Variants in ADCY2 observed in about 807,000 individuals in gnomAD.
ADCY2 encodes adenylate cyclase 2.
Under a neutral mutation model 125.2 loss-of-function variants are expected in ADCY2, and 31 were observed. The ratio of observed to expected loss-of-function variants is 0.25; its 90% confidence interval spans 0.19 to 0.33. The LOEUF is 0.33. Ranked by LOEUF, ADCY2 falls within the 10% of genes least tolerant of loss-of-function variation. ADCY2 has a pLI of 1.00. For synonymous variants in ADCY2, 512 were observed against 548.4 expected, an observed-to-expected ratio of 0.93 and a Z score of 0.93; for missense variants, 904 against 1,418.2, an observed-to-expected ratio of 0.64 and a Z score of 5.82.
chr5:7,521,680 C>A (rs1031618633), intron 3 of ADCY2, among the ~76,000 whole-genome samples: 1 of 152,206 alleles, frequency 6.6e-6, no homozygotes, highest in African/African-American at 2.4e-5. Flanking sequence ...CATAGGTCAC[C>A]TAAGCCCTGC....
In ADCY2 at chr5:7,629,714, A is replaced by G. The variant is rs891320053; in HGVS notation, c.720+3398A>G. On this transcript the variant is annotated intron_variant, in intron 4 of 24. Coordinates refer to ENST00000338316, the MANE Select transcript of ADCY2 (RefSeq NM_020546.3). ...TGTCTTAAGTTTCATATCCCACAGT[A>G]AAATCCGCAGCTGTTTCCTGAGCAC... Among the ~76,000 whole-genome samples, 45 of 152,208 alleles carry G rather than the reference A, an allele frequency of 3.0e-4. 1 individual carries two copies. Among genetic ancestry groups the G allele is most frequent in the African/African-American group, 1.0e-3 (43 of 41,452 alleles).
At chr5:7,791,726 T>C (rs1744253106) in intron 20 of ADCY2, among the ~76,000 whole-genome samples, 1 of 152,136 alleles carries the variant, frequency 6.6e-6, no homozygotes, top group South Asian at 2.1e-4. Flanking sequence ...AAGGTCCCCA[T>C]GTTTCCCCTG....
At chr5:7,747,107 C>CCCTCG (rs1177456822) in intron 15 of ADCY2, among the ~76,000 whole-genome samples, 1 of 152,172 alleles carries the variant, frequency 6.6e-6, no homozygotes, top group Non-Finnish European at 1.5e-5. Flanking sequence ...AGAAGCCCAG[C>CCCTCG]CCTCGCCTCC....
chr5:7,717,530 A>T (rs368629169), intron 12 of ADCY2, among the ~76,000 whole-genome samples: 1 of 152,264 alleles, frequency 6.6e-6, no homozygotes, highest in East Asian at 1.9e-4. Context: ...TAATATTTTT[A>T]AAAGATAGAT....
rs1161411160 is a variant in ADCY2, at chr5:7,828,779, G to A, written c.*1908G>A. 6.6e-6 allele frequency: 1 copy of A among 152,316 alleles called. No individual in the cohort carries two copies. The highest frequency in any genetic ancestry group is 2.4e-5 in the African/African-American group (1 of 41,438). 9.4% of individuals were successfully genotyped at this position (152,316 alleles called of 1,614,324 possible). On this transcript the variant is annotated 3_prime_UTR_variant, in exon 25 of 25. Transcript: ENST00000338316. ...TTTCCGTGAGCTCAAACTGGCCTTG[G>A]TGTAAAATGTGTAAGGATGAGCAGC... is the stretch of plus-strand genomic sequence containing the variant.
rs74781071 is a variant in ADCY2, at chr5:7,618,603, T to A, written c.571-7564T>A. ...ACCTGTCAGCTTTTAAATTTTTAAA[T>A]GAGTGGTTGTGGACCACATGTGTCA... On this transcript the variant is annotated intron_variant, in intron 3 of 24. Coordinates refer to ENST00000338316, the MANE Select transcript of ADCY2 (RefSeq NM_020546.3). 6.5e-3 allele frequency among the ~76,000 whole-genome samples: 994 copies of A among 152,336 alleles called. 6 individuals carry two copies. Among genetic ancestry groups the A allele is most frequent in the African/African-American group, 0.023 (936 of 41,576 alleles).
intron 3 of ADCY2, among the ~76,000 whole-genome samples, chr5:7,590,039 T>G (rs1736799892): frequency 6.6e-6 from 1 of 152,128 alleles, no homozygotes; most frequent in Non-Finnish European, 1.5e-5. Flanking sequence ...GTCTGGCTGC[T>G]GGAGAAACCC....
intron 3 of ADCY2, among the ~76,000 whole-genome samples, chr5:7,601,053 T>C (rs943100792): frequency 6.6e-6 from 1 of 152,156 alleles, no homozygotes; most frequent in African/African-American, 2.4e-5. Context: ...TGGAAGCTGG[T>C]ACCATAGAGG....
chr5:7,816,697 C>T (rs1375781503), intron 22 of ADCY2, among the ~76,000 whole-genome samples, 169 bp from the exon 23 acceptor site: 1 of 152,268 alleles, frequency 6.6e-6, no homozygotes, highest in African/African-American at 2.4e-5. Context: ...CTTGGCCACA[C>T]AGTGCTTCCT....
At chr5:7,717,297 A>G (rs933512433) in intron 12 of ADCY2, 60 bp downstream of exon 12, 7 of 1,248,774 alleles carry the variant, frequency 5.6e-6, no homozygotes, top group South Asian at 1.4e-5. Context: ...GTTGTATTTT[A>G]TCATGGGCTC....
At chr5:7,527,800 T>C (rs572857312) in intron 3 of ADCY2, among the ~76,000 whole-genome samples, 1 of 152,346 alleles carries the variant, frequency 6.6e-6, no homozygotes, top group South Asian at 2.1e-4. Context: ...ACTGAGTCTT[T>C]TTAAGTATAA....
intron 2 of ADCY2, among the ~76,000 whole-genome samples, chr5:7,517,705 A>T (rs1744300406): frequency 1.3e-5 from 2 of 152,236 alleles, no homozygotes. Flanking sequence ...TGTATTCAGA[A>T]AACTGAAGAT....
At chr5:7,743,859 A>G in intron 15 of ADCY2, 107 bp downstream of exon 15, 1 of 1,017,658 alleles carries the variant, frequency 9.8e-7, no homozygotes, top group Non-Finnish European at 1.5e-6. Flanking sequence ...TTACCACTTC[A>G]AGAACTCCAG....
chr5:7,694,369 A>G (rs1287258516), intron 5 of ADCY2, among the ~76,000 whole-genome samples: 8 of 152,150 alleles, frequency 5.3e-5, no homozygotes, highest in Non-Finnish European at 1.2e-4. Flanking sequence ...ACAACCATCA[A>G]TATTATCCAT....
At chr5:7,625,255 A>T (rs1252874458) in intron 3 of ADCY2, among the ~76,000 whole-genome samples, 1 of 152,236 alleles carries the variant, frequency 6.6e-6, no homozygotes, top group Non-Finnish European at 1.5e-5. Flanking sequence ...CTAAGAATTT[A>T]AAATGTTGTT....
chr5:7,654,311 A>G (rs1268472693), intron 4 of ADCY2: 13 of 364,040 alleles, frequency 3.6e-5, no homozygotes, highest in Admixed American at 2.5e-4. Context: ...GAGAAGCCTC[A>G]CTGCAGCACA....
At chr5:7,758,366 T>A (rs1224007035) in intron 16 of ADCY2, among the ~76,000 whole-genome samples, 2 of 152,134 alleles carry the variant, frequency 1.3e-5, no homozygotes, top group East Asian at 3.9e-4. Flanking sequence ...TGTTCTCACA[T>A]CAGCAGCAGC....
intron 1 of ADCY2, among the ~76,000 whole-genome samples, chr5:7,406,150 G>T (rs1214149298): frequency 1.3e-5 from 2 of 152,064 alleles, no homozygotes; most frequent in East Asian, 3.9e-4. Context: ...ATCAGCCTCT[G>T]TGCCAGGCCA....
At chr5:7,430,544 T>C (rs1250782448) in intron 2 of ADCY2, among the ~76,000 whole-genome samples, 2 of 148,330 alleles carry the variant, frequency 1.3e-5, no homozygotes, top group Non-Finnish European at 3.0e-5. Context: ...ACTATATATA[T>C]ATAGTATATT....
Sources: allele counts gnomAD v4.1 joint callset (sites outside exome capture counted in the v4.1 genomes callset), GRCh38; gene constraint gnomAD v4.1.1; transcripts MANE v1.5; gene names NCBI Gene and HGNC (gene_info 2026-07-23, HGNC 2026-07-21).